The following FER variants were observed in gnomAD, a reference collection of about 807,000 sequenced individuals.
The protein encoded by FER is FER tyrosine kinase.
In FER, 63 loss-of-function variants were observed where a neutral mutation model predicts 111.0. The ratio of observed to expected loss-of-function variants is 0.57; its 90% confidence interval spans 0.46 to 0.70. The LOEUF (loss-of-function observed/expected upper bound fraction) is 0.70. Ranked by LOEUF, FER falls within the 30% of genes least tolerant of loss-of-function variation. The pLI is 0.00. For synonymous variants in FER, 327 were observed against 313.9 expected (o/e 1.04, Z -0.44); for missense variants, 914 against 954.0 (o/e 0.96, Z 0.55).
At chr5:108,784,960 A>T (rs994664499) in intron 2 of FER, 12 of 218,592 alleles carry the variant, frequency 5.5e-5, no homozygotes, top group Non-Finnish European at 5.6e-5. Flanking sequence ...TTTTATGGCC[A>T]GTTTTGGGGC....
intron 3 of FER, among the ~76,000 whole-genome samples, chr5:108,827,822 CTTTTTT>C (rs5870331): frequency 1.7e-4 from 21 of 121,612 alleles, no homozygotes; most frequent in African/African-American, 6.3e-4. Flanking sequence ...GAGTTAGTAT[CTTTTTT>C]TTTTTTTTTT....
At position 108,822,000 on chromosome 5, in the gene FER, C is replaced by T. The variant is rs567537340; in HGVS notation, c.208-10770C>T. ...ACTTTGTTCCCTTTGACCAAAATGT[C>T]CCCATTTTCTTCACCCCTATCCCCT... On this transcript the variant is annotated intron_variant, in intron 3 of 19. Coordinates refer to ENST00000281092, the MANE Select transcript of FER (RefSeq NM_005246.4). 1.5e-3 allele frequency among the ~76,000 whole-genome samples: 233 copies of T among 152,194 alleles called. 1 individual carries two copies. Among genetic ancestry groups the T allele is most frequent in the Middle Eastern group, 6.8e-3 (2 of 294 alleles).
chr5:109,135,769 T>C (rs1031326413), intron 17 of FER, among the ~76,000 whole-genome samples: 4 of 152,198 alleles, frequency 2.6e-5, no homozygotes, highest in African/African-American at 9.6e-5. Flanking sequence ...CCTTTGACTT[T>C]ACCAGTCCAG....
chr5:108,901,574 G>A (rs1158061484), intron 10 of FER, among the ~76,000 whole-genome samples: 1 of 152,130 alleles, frequency 6.6e-6, no homozygotes, highest in Non-Finnish European at 1.5e-5. Flanking sequence ...ACACCTGTAA[G>A]GGAATATAAT....
chr5:109,127,661 T>G (rs1211797502), intron 17 of FER, among the ~76,000 whole-genome samples: 1 of 152,148 alleles, frequency 6.6e-6, no homozygotes. Flanking sequence ...GGCCATGGCC[T>G]CCCAAAGTGC....
At chr5:108,851,624 C>T (rs1015506167) in intron 5 of FER, among the ~76,000 whole-genome samples, 1 of 151,876 alleles carries the variant, frequency 6.6e-6, no homozygotes, top group African/African-American at 2.4e-5. Context: ...GTAAGCAAAA[C>T]CATATTTAAT....
intron 10 of FER, among the ~76,000 whole-genome samples, chr5:108,926,185 C>A (rs575679481): frequency 6.0e-5 from 9 of 150,408 alleles, no homozygotes; most frequent in South Asian, 2.1e-4. Context: ...ATATTAGAAT[C>A]TTCAATCTCT....
intron 16 of FER, among the ~76,000 whole-genome samples, chr5:109,091,053 G>A (rs1310712789): frequency 6.6e-6 from 1 of 152,208 alleles, no homozygotes; most frequent in African/African-American, 2.4e-5. Context: ...GCCTTACCAT[G>A]TTGTAAAAGA....
intron 16 of FER, among the ~76,000 whole-genome samples, chr5:109,096,705 G>A (rs1458022398): frequency 2.6e-5 from 4 of 151,756 alleles, no homozygotes; most frequent in Non-Finnish European, 4.4e-5. Context: ...ACTTGGGCAG[G>A]GGAAGAGATT....
At chr5:108,837,341 C>T (rs1477763998) in intron 5 of FER, among the ~76,000 whole-genome samples, 1 of 152,186 alleles carries the variant, frequency 6.6e-6, no homozygotes, top group Non-Finnish European at 1.5e-5. Flanking sequence ...AACTCCAAGT[C>T]TCACTCTCTT....
intron 18 of FER, among the ~76,000 whole-genome samples, chr5:109,185,314 A>G (rs1417593641): frequency 1.3e-5 from 2 of 152,236 alleles, no homozygotes; most frequent in Non-Finnish European, 2.9e-5. Flanking sequence ...CAGCTATGTT[A>G]ATTTCCACTG....
At chr5:108,963,849 T>A (rs1257193027) in intron 13 of FER, among the ~76,000 whole-genome samples, 1 of 152,178 alleles carries the variant, frequency 6.6e-6, no homozygotes, top group Admixed American at 6.5e-5. Flanking sequence ...AAGCGCTGTT[T>A]ACATTGTTAG....
At chr5:109,117,562 G>A (rs1750399422) in intron 17 of FER, among the ~76,000 whole-genome samples, 1 of 152,106 alleles carries the variant, frequency 6.6e-6, no homozygotes, top group South Asian at 2.1e-4. Flanking sequence ...TTGGTAGCTT[G>A]ATGGGGATGG....
At chr5:108,821,625 A>C (rs926047110) in intron 3 of FER, among the ~76,000 whole-genome samples, 1 of 151,932 alleles carries the variant, frequency 6.6e-6, no homozygotes, top group African/African-American at 2.4e-5. Flanking sequence ...TTTAGCCATT[A>C]TTCTTTGAAT....
At chr5:108,819,346 T>C (rs557307634) in intron 3 of FER, among the ~76,000 whole-genome samples, 1 of 152,154 alleles carries the variant, frequency 6.6e-6, no homozygotes, top group South Asian at 2.1e-4. Flanking sequence ...ATTCTTAAAG[T>C]AGTTTGTAGA....
chr5:108,864,187 T>C (rs1015082173), intron 5 of FER, among the ~76,000 whole-genome samples: 21 of 152,186 alleles, frequency 1.4e-4, no homozygotes, highest in Non-Finnish European at 2.9e-4. Context: ...AAAAAAATTA[T>C]GTGTTGCTCC....
At chr5:108,954,702 G>GT (rs66958414) in intron 11 of FER, 27 bp from the exon 12 acceptor site, 223,767 of 1,062,494 alleles carry the variant, frequency 0.21, 1,124 homozygotes, top group Non-Finnish European at 0.23. Context: ...CTCTAATTTA[G>GT]TTTTTTTTTT....
chr5:109,167,605 T>TG (rs1756688216), intron 17 of FER, among the ~76,000 whole-genome samples: 1 of 152,220 alleles, frequency 6.6e-6, no homozygotes, highest in African/African-American at 2.4e-5. Context: ...TAAAAGTAGT[T>TG]GCAAATGTAG....
intron 3 of FER, among the ~76,000 whole-genome samples, chr5:108,818,533 C>CA (rs1758510202): frequency 6.6e-6 from 1 of 152,054 alleles, no homozygotes; most frequent in Admixed American, 6.6e-5. Flanking sequence ...ATATACAACT[C>CA]AGAATTCTGA....
Sources: allele counts gnomAD v4.1 joint callset (sites outside exome capture counted in the v4.1 genomes callset), GRCh38; gene constraint gnomAD v4.1.1; transcripts MANE v1.5; gene names NCBI Gene and HGNC (gene_info 2026-07-23, HGNC 2026-07-21).